PRB4: variants seen among roughly 807,000 people sequenced by gnomAD.
PRB4 encodes basic salivary proline-rich protein 4.
A neutral mutation model predicts 9.1 loss-of-function variants in PRB4; 14 were observed. That is an observed-to-expected ratio of 1.54 (90% CI 1.02 to 2.41). The LOEUF (loss-of-function observed/expected upper bound fraction) is 2.41. PRB4 is among the 30% of genes most tolerant of loss of function. PRB4 has a pLI of 0.00. For missense variants in PRB4, 381 were observed against 299.3 expected (o/e 1.27, Z -2.02); for synonymous variants, 102 against 108.5 (o/e 0.94, Z 0.37).
chr12:11,308,955 G>T, intron 2 of PRB4, 73 bp from the exon 3 acceptor site: 3 of 1,580,550 alleles, frequency 1.9e-6, no homozygotes, highest in South Asian at 2.2e-5. Flanking sequence ...GAGCTAAATG[G>T]GGAAATGCAC....
chr12:11,308,358 C>T lies in PRB4; in HGVS notation c.625G>A (p.Ala209Thr), dbSNP rs1052808. ...PPGKPQGPPP[A>T]GGNPQQPQAP... is the part of the protein sequence containing the mutation. Reference sequence around the variant, plus strand: ...TGAGGCTGCTGGGGATTGCCTCCTGCTGGGGGTGGGCCTTGTGGCTTTCCA... The same window carrying T: ...TGAGGCTGCTGGGGATTGCCTCCTGTTGGGGGTGGGCCTTGTGGCTTTCCA... Residue 209 changes from alanine (A) to threonine (T), a missense_variant, in exon 3 of 4, where the codon GCA becomes ACA. Transcript: ENST00000279575. 17 of 1,611,958 alleles carry T rather than the reference C, an allele frequency of 1.1e-5. No individual in the cohort carries two copies. In the Admixed American group the frequency reaches 2.8e-4, roughly 27 times the overall value.
Position 11,308,446 on chromosome 12 carries a change from AG to A in PRB4, c.536del (p.Pro179LeufsTer78). Reference protein sequence around the residue: ...EGNKSRSARSPPGKPQGPPQQ... With the variant: ...EGNKSRSARSXPGKPQGPPQQ... ...GGGGTGGTCCTTGTGGCTTTCCTGG[AG>A]GAGATCGGGCACTTCGGGACTTGTT... On this transcript the variant is annotated frameshift_variant, in exon 3 of 4. Coordinates refer to ENST00000279575, the MANE Select transcript of PRB4 (RefSeq NM_002723.6). LOFTEE classifies it low-confidence loss of function (END_TRUNC). 1 of 1,612,942 alleles carries A rather than the reference AG, an allele frequency of 6.2e-7. No homozygotes were observed. Among genetic ancestry groups the A allele is most frequent in the Non-Finnish European group, 8.5e-7 (1 of 1,179,768 alleles).
intron 1 of PRB4, 122 bp downstream of exon 1, chr12:11,310,213 A>G (rs1863020127): frequency 2.4e-6 from 3 of 1,248,008 alleles, no homozygotes; most frequent in Non-Finnish European, 3.5e-6. Context: ...AGGTCTCCTG[A>G]TCCTAGGCAT....
At chr12:11,309,948 T>C (rs1863014882) in intron 1 of PRB4, among the ~76,000 whole-genome samples, 1 of 152,150 alleles carries the variant, frequency 6.6e-6, no homozygotes, top group Admixed American at 6.5e-5. Flanking sequence ...GATGTGTATG[T>C]ATCTCTATCA....
intron 3 of PRB4, among the ~76,000 whole-genome samples, chr12:11,307,860 C>T (rs1314511919): frequency 6.6e-6 from 1 of 152,128 alleles, no homozygotes; most frequent in Non-Finnish European, 1.5e-5. Flanking sequence ...ATACTGGACT[C>T]GAGAGGCTGG....
chr12:11,310,212 G>C, intron 1 of PRB4, 123 bp downstream of exon 1: 4 of 1,241,796 alleles, frequency 3.2e-6, no homozygotes, highest in Non-Finnish European at 4.8e-6. Flanking sequence ...CAGGTCTCCT[G>C]ATCCTAGGCA....
chr12:11,307,782 GA>G (rs2136606387), intron 3 of PRB4, among the ~76,000 whole-genome samples: 2 of 152,252 alleles, frequency 1.3e-5, no homozygotes, highest in South Asian at 4.2e-4. Context: ...TGTACGTATT[GA>G]AAAGTTAAGT....
rs59774427 is a variant in PRB4, at chr12:11,308,510, T to A, written c.473A>T (p.His158Leu). 3 of 1,502,164 alleles carry A rather than the reference T, an allele frequency of 2.0e-6. No individual in the cohort carries two copies. The highest frequency in any genetic ancestry group is 2.3e-5 in the South Asian group (2 of 87,230). The allele number at this position is 1,502,164 out of a possible 1,614,324, so 93.1% of individuals were successfully genotyped here. The change falls in exon 3 of 4, where the codon CAT (histidine) becomes CTT (leucine). Residue 158 changes from histidine (H) to leucine (L), a missense_variant. Physicochemically the swap from His to Leu is moderately conservative, Grantham distance 99. Around this residue, in one of 3 missense-constraint regions of PRB4, gnomAD observed 204 missense variants for 134.4 expected, o/e 1.52. Transcript: ENST00000279575. The stretch of plus-strand genomic sequence containing the variant: ...GGGTGGTCCTTCTGGCTTTCCTGGA[T>A]GAGGTGGGGGACCTTGGGACTGGTT... Reference protein sequence around the residue: ...GGNQSQGPPPHPGKPEGPPPQ... With the variant: ...GGNQSQGPPPLPGKPEGPPPQ...
intron 2 of PRB4, among the ~76,000 whole-genome samples, 169 bp from the exon 3 acceptor site, chr12:11,309,051 G>A (rs112205575): frequency 0.024 from 1,246 of 51,342 alleles, 20 homozygotes; most frequent in African/African-American, 0.055. Flanking sequence ...AAAGGGAGAA[G>A]TTGAGGGGCT....
intron 2 of PRB4, 124 bp downstream of exon 2, chr12:11,309,246 A>G: frequency 6.6e-7 from 1 of 1,513,150 alleles, no homozygotes; most frequent in Non-Finnish European, 9.1e-7. Context: ...TGCCTATATC[A>G]TTAGGGGCAA....
In PRB4 at chr12:11,309,421, A is replaced by C. The variant is rs1208547221; in HGVS notation, c.65-16T>G. 9 of 1,614,010 alleles carry C rather than the reference A, an allele frequency of 5.6e-6. No homozygotes were observed. The Admixed American group carries it at 1.3e-4, about 24-fold the overall frequency. The stretch of plus-strand genomic sequence containing the variant: ...TGGCTGACATCTAGAAGAGAAGCAC[A>C]GGATGATGGGAAATGTTACATCTCA... On this transcript the variant is annotated splice_polypyrimidine_tract_variant and intron_variant, in intron 1 of 3. Transcript: ENST00000279575.
chr12:11,308,672 G>A lies in PRB4; in HGVS notation c.311C>T (p.Pro104Leu). 6.3e-7 allele frequency: 1 copy of A among 1,595,594 alleles called. No homozygotes were observed. Among genetic ancestry groups the A allele is most frequent in the Non-Finnish European group, 8.6e-7 (1 of 1,166,180 alleles). The change falls in exon 3 of 4, where the codon CCA becomes CTA. Residue 104 changes from proline to leucine, a missense_variant. Pro to Leu is a moderately conservative substitution (Grantham distance 98). Around this residue, in one of 3 missense-constraint regions of PRB4, gnomAD observed 26 missense variants for 59.1 expected, o/e 0.44. Coordinates refer to ENST00000279575, the MANE Select transcript of PRB4 (RefSeq NM_002723.6). ...ACCTTGGGACTGGTTTCCTCCTTGTGGGGGTGGTCTTTCTGGCTTTCCTGG... is the reference window on the plus strand; with the variant it reads ...ACCTTGGGACTGGTTTCCTCCTTGTAGGGGTGGTCTTTCTGGCTTTCCTGG... Reference protein sequence around the residue: ...PHPGKPERPPPQGGNQSQGTP... With the variant: ...PHPGKPERPPLQGGNQSQGTP...
chr12:11,309,971 G>A (rs1863015494), intron 1 of PRB4, among the ~76,000 whole-genome samples: 1 of 152,162 alleles, frequency 6.6e-6, no homozygotes, highest in East Asian at 1.9e-4. Flanking sequence ...AATGCCGACT[G>A]TCTGTACAGC....
At chr12:11,309,147 C>T (rs1238733468) in intron 2 of PRB4, among the ~76,000 whole-genome samples, 1 of 152,126 alleles carries the variant, frequency 6.6e-6, no homozygotes, top group Non-Finnish European at 1.5e-5. Context: ...GGGATGTCAA[C>T]CCACTCCTGT....
At position 11,308,645 on chromosome 12, in the gene PRB4, G is replaced by A. The variant is rs756576875; in HGVS notation, c.338C>T (p.Thr113Ile). 1 of 1,351,428 alleles carries A rather than the reference G, an allele frequency of 7.4e-7. No individual in the cohort carries two copies. Among genetic ancestry groups the A allele is most frequent in the Admixed American group, 1.9e-5 (1 of 51,308 alleles). 83.7% of individuals were successfully genotyped at this position (1,351,428 alleles called of 1,614,324 possible). A position where few individuals can be genotyped will look rare whatever the true frequency, so the allele number is the denominator to read the frequency against. The change falls in exon 3 of 4, where the codon ACC (threonine) becomes ATC (isoleucine). Residue 113 changes from threonine (T) to isoleucine (I), a missense_variant. Coordinates refer to ENST00000279575, the MANE Select transcript of PRB4 (RefSeq NM_002723.6). ...TTCTGGCTTTCCTGGAGGAGGTGGGGTACCTTGGGACTGGTTTCCTCCTTG... is the reference window on the plus strand; with the variant it reads ...TTCTGGCTTTCCTGGAGGAGGTGGGATACCTTGGGACTGGTTTCCTCCTTG... ...PPQGGNQSQGTPPPPGKPERP... is the reference protein window; with the variant it reads ...PPQGGNQSQGIPPPPGKPERP...
At chr12:11,309,587 C>T (rs1294869605) in intron 1 of PRB4, among the ~76,000 whole-genome samples, 182 bp from the exon 2 acceptor site, 1 of 152,140 alleles carries the variant, frequency 6.6e-6, no homozygotes, top group African/African-American at 2.4e-5. Flanking sequence ...GGGTTGTTAC[C>T]ACACAGAGCA....
intron 2 of PRB4, 78 bp from the exon 3 acceptor site, chr12:11,308,960 A>T (rs867464633): frequency 1.3e-6 from 2 of 1,565,518 alleles, no homozygotes. Flanking sequence ...AAATGGGGAA[A>T]TGCACAAAAA....
chr12:11,310,320 C>G lies in PRB4; in HGVS notation c.64+15G>C, dbSNP rs747958353. 7.4e-6 allele frequency: 12 copies of G among 1,614,190 alleles called. No homozygotes were observed. Among genetic ancestry groups the G allele is most frequent in the Non-Finnish European group, 1.0e-5 (12 of 1,180,008 alleles). On this transcript the variant is annotated intron_variant, in intron 1 of 3. Coordinates refer to ENST00000279575, the MANE Select transcript of PRB4 (RefSeq NM_002723.6). ...TCCCAAGCAGTCACCGCATCTTTTC[C>G]CCCTTCTGTTTTACCTTCACTTGAA...
Position 11,310,318 on chromosome 12 carries a change from TC to T in PRB4, c.64+16del. On this transcript the variant is annotated intron_variant, in intron 1 of 3. Transcript: ENST00000279575. Reference sequence around the variant, plus strand: ...AGTCCCAAGCAGTCACCGCATCTTTTCCCCCTTCTGTTTTACCTTCACTTGA... The same window carrying T: ...AGTCCCAAGCAGTCACCGCATCTTTTCCCCTTCTGTTTTACCTTCACTTGA... 1 of 1,614,134 alleles carries T rather than the reference TC, an allele frequency of 6.2e-7. No individual in the cohort carries two copies. Among genetic ancestry groups the T allele is most frequent in the Non-Finnish European group, 8.5e-7 (1 of 1,179,992 alleles).
Sources: allele counts gnomAD v4.1 joint callset (sites outside exome capture counted in the v4.1 genomes callset), GRCh38; gene constraint gnomAD v4.1.1; regional missense constraint gnomAD v4.1.1; transcripts MANE v1.5; gene names NCBI Gene and HGNC (gene_info 2026-07-23, HGNC 2026-07-21).